XRCC6: variants seen among roughly 807,000 people sequenced by gnomAD.
XRCC6 encodes the protein X-ray repair cross complementing 6.
A neutral mutation model predicts 65.7 loss-of-function variants in XRCC6; 5 were observed. The observed-to-expected ratio is 0.08, with a 90% CI of 0.04 to 0.16. The LOEUF (loss-of-function observed/expected upper bound fraction) is 0.16, where lower values mean the gene tolerates loss of function less well. Ranked by LOEUF, XRCC6 falls within the 10% of genes least tolerant of loss-of-function variation. The pLI is 1.00. For synonymous variants in XRCC6, 270 were observed against 270.6 expected (o/e 1.00, Z 0.02); for missense variants, 447 against 738.1 (o/e 0.61, Z 4.57).
intron 9 of XRCC6, among the ~76,000 whole-genome samples, chr22:41,654,131 C>G (rs1442045938): frequency 1.3e-5 from 2 of 152,106 alleles, no homozygotes; most frequent in African/African-American, 2.4e-5. Context: ...TTGACTTTAT[C>G]TTGTGCTTAT....
At chr22:41,640,983 C>G (rs1020652929) in intron 6 of XRCC6, among the ~76,000 whole-genome samples, 1 of 152,266 alleles carries the variant, frequency 6.6e-6, no homozygotes, top group Middle Eastern at 3.4e-3. Flanking sequence ...TGGCTCACGT[C>G]TGTAATCCCA....
Position 41,650,707 on chromosome 22 carries a change from C to A in XRCC6, c.961-16C>A, listed in dbSNP as rs376623627. 6.2e-7 allele frequency: 1 copy of A among 1,609,712 alleles called. No individual in the cohort carries two copies. The highest frequency in any genetic ancestry group is 1.1e-5 in the South Asian group (1 of 90,874). ...CGTAGCCTTCCCATTTGATCCTTGT[C>A]GTTCTTCTCCTTCAGATCTATGGGA... On this transcript the variant is annotated splice_polypyrimidine_tract_variant and intron_variant, in intron 7 of 12. Transcript: ENST00000360079.
chr22:41,622,476 A>C (rs2067619734), intron 2 of XRCC6, among the ~76,000 whole-genome samples: 1 of 152,276 alleles, frequency 6.6e-6, no homozygotes, highest in Admixed American at 6.5e-5. Flanking sequence ...AAACGCAAGC[A>C]ACACAGTTAC....
intron 3 of XRCC6, among the ~76,000 whole-genome samples, chr22:41,635,359 A>G (rs572976436): frequency 1.3e-5 from 2 of 152,324 alleles, no homozygotes; most frequent in Admixed American, 1.3e-4. Context: ...ACCAGCAGAT[A>G]TGGAGGGCCA....
chr22:41,631,798 G>A (rs2067756157), intron 3 of XRCC6, among the ~76,000 whole-genome samples: 1 of 151,946 alleles, frequency 6.6e-6, no homozygotes, highest in Non-Finnish European at 1.5e-5. Context: ...GGAGGTTGTA[G>A]CAAGCCGAGA....
At position 41,663,752 on chromosome 22, in the gene XRCC6, G is replaced by T. The variant is rs16990062; in HGVS notation, c.1767G>T (p.Gly589=). 1 of 1,613,940 alleles carries T rather than the reference G, an allele frequency of 6.2e-7. No individual in the cohort carries two copies. The highest frequency in any genetic ancestry group is 8.5e-7 in the Non-Finnish European group (1 of 1,179,872). The change falls in exon 13 of 13, where the codon GGG becomes GGT. Residue 589 remains glycine, a synonymous_variant. Transcript: ENST00000360079. ...TGAAAGAGGCCTGCCGGGCTTACGG[G>T]CTGAAGAGTGGGCTGAAGAAGCAGG... ...PMLKEACRAY[G]LKSGLKKQEL...
At chr22:41,661,218 C>A in intron 11 of XRCC6, 113 bp from the exon 12 acceptor site, 1 of 847,626 alleles carries the variant, frequency 1.2e-6, no homozygotes, top group African/African-American at 1.7e-5. Context: ...CTAGACCCCT[C>A]CCACCTTAGC....
At chr22:41,631,729 G>A (rs2067755045) in intron 3 of XRCC6, among the ~76,000 whole-genome samples, 1 of 151,928 alleles carries the variant, frequency 6.6e-6, no homozygotes, top group Non-Finnish European at 1.5e-5. Flanking sequence ...ACGGGGTGGC[G>A]GCCGGGCAGA....
chr22:41,634,057 T>C (rs111739336), intron 3 of XRCC6, among the ~76,000 whole-genome samples: 23 of 152,360 alleles, frequency 1.5e-4, no homozygotes, highest in African/African-American at 5.3e-4. Context: ...TGTCAGTGAC[T>C]AGCTATAGTA....
intron 12 of XRCC6, chr22:41,661,696 A>C (rs757320300): frequency 2.3e-6 from 1 of 429,718 alleles, no homozygotes; most frequent in Non-Finnish European, 4.2e-6. Context: ...CAAAAAGTGA[A>C]AACTAGAGCT....
At chr22:41,629,245 A>G (rs972116260) in intron 3 of XRCC6, among the ~76,000 whole-genome samples, 8 of 152,162 alleles carry the variant, frequency 5.3e-5, no homozygotes, top group Admixed American at 1.3e-4. Context: ...AAAATTAACT[A>G]TTTGAAAGTA....
intron 11 of XRCC6, among the ~76,000 whole-genome samples, chr22:41,659,352 G>A (rs1243411607): frequency 1.3e-5 from 2 of 152,084 alleles, no homozygotes; most frequent in Non-Finnish European, 1.5e-5. Flanking sequence ...TTAGGACACA[G>A]GTGCCTGCCA....
chr22:41,661,299 C>T (rs750782705), intron 11 of XRCC6, 32 bp from the exon 12 acceptor site: 6 of 1,594,506 alleles, frequency 3.8e-6, no homozygotes, highest in Non-Finnish European at 3.4e-6. Context: ...TCGTGACTCA[C>T]CAGGCCACTC....
chr22:41,661,936 C>A (rs536727621), intron 12 of XRCC6, among the ~76,000 whole-genome samples: 1 of 152,210 alleles, frequency 6.6e-6, no homozygotes, highest in East Asian at 1.9e-4. Context: ...CTGTCATTTG[C>A]AATAATATGT....
chr22:41,636,398 G>A, intron 4 of XRCC6, 118 bp from the exon 5 acceptor site: 1 of 1,494,304 alleles, frequency 6.7e-7, no homozygotes, highest in Non-Finnish European at 9.0e-7. Flanking sequence ...TGTGGACTTT[G>A]TTAAATGGGT....
In XRCC6 at chr22:41,658,235, C is replaced by T. The variant is rs534724306; in HGVS notation, c.1422-17C>T. ...AAATTGTCATGTTTCAGTTGAGTTA[C>T]ATTATTGTTTTAACAGAAGTGACAG... is the stretch of plus-strand genomic sequence containing the variant. On this transcript the variant is annotated splice_polypyrimidine_tract_variant and intron_variant, in intron 10 of 12. Transcript: ENST00000360079. The T allele has an allele frequency of 9.3e-6, 15 of 1,611,212 alleles. No individual in the cohort carries two copies. In the South Asian group the frequency reaches 1.3e-4, roughly 14 times the overall value.
rs144313964 is a variant in XRCC6 at position 41,650,806 on chromosome 22, G to T, written c.1044G>T (p.Met348Ile). ...KRFDDPGLML[M>I]GFKPLVLLKK... Reference sequence around the variant, plus strand: ...TTGATGATCCAGGTTTGATGCTCATGGGTTTCAAGCCGTTGGTACTGCTGA... The same window carrying T: ...TTGATGATCCAGGTTTGATGCTCATTGGTTTCAAGCCGTTGGTACTGCTGA... The change falls in exon 8 of 13, where the codon ATG (methionine) becomes ATT (isoleucine). Residue 348 changes from methionine to isoleucine, a missense_variant. Physicochemically the swap from Met to Ile is conservative, Grantham distance 10. This residue lies in a region of XRCC6 where 201 missense variants were observed against 374.1 expected (regional missense o/e 0.54). Coordinates refer to ENST00000360079, the MANE Select transcript of XRCC6 (RefSeq NM_001469.5). The T allele has an allele frequency of 4.3e-6, 7 of 1,613,968 alleles. No individual in the cohort carries two copies. Among genetic ancestry groups the T allele is most frequent in the Non-Finnish European group, 5.9e-6 (7 of 1,179,890 alleles).
In XRCC6 at chr22:41,648,730, CAG is replaced by C. The variant is rs559064969; in HGVS notation, c.960+1653_960+1654del. 4.5e-4 allele frequency among the ~76,000 whole-genome samples: 68 copies of C among 152,156 alleles called. 1 individual carries two copies. The South Asian group carries it at 0.011, about 25-fold the overall frequency. ...ACTAAAATATTATTTTGATTCAAGC[CAG>C]AGAGTTTTGCCCTACTCTTTGAAGG... On this transcript the variant is annotated intron_variant, in intron 7 of 12. Transcript: ENST00000360079.
intron 9 of XRCC6, among the ~76,000 whole-genome samples, chr22:41,654,057 C>T (rs2068024224): frequency 1.3e-5 from 2 of 152,108 alleles, no homozygotes; most frequent in Admixed American, 6.6e-5. Context: ...CCTATACAAA[C>T]CAACCATGGG....
Sources: gnomAD v4.1 joint callset for allele counts (sites outside exome capture counted in the v4.1 genomes callset) on GRCh38, gnomAD v4.1.1 for gene constraint, gnomAD v4.1.1 regional missense constraint, MANE v1.5 for transcripts, NCBI Gene and HGNC (gene_info 2026-07-23, HGNC 2026-07-21) for gene names.